PRKG1: variants seen among roughly 807,000 people sequenced by gnomAD.
The protein encoded by PRKG1 is protein kinase cGMP-dependent 1, also known as cGMP-dependent protein kinase 1.
Under a neutral mutation model 88.1 loss-of-function variants are expected in PRKG1, and 35 were observed. The ratio of observed to expected loss-of-function variants is 0.40; its 90% CI spans 0.30 to 0.53. The LOEUF is 0.53. Among genes scored for constraint, PRKG1 ranks in the 20% least tolerant of loss-of-function variants. The pLI is 0.59. For synonymous variants in PRKG1, 303 were observed against 292.5 expected (o/e 1.04, Z -0.37); for missense variants, 540 against 839.8 (o/e 0.64, Z 4.41).
chr10:51,954,876 C>T (rs2133059404), intron 5 of PRKG1, among the ~76,000 whole-genome samples: 1 of 152,278 alleles, frequency 6.6e-6, no homozygotes, highest in East Asian at 1.9e-4. Flanking sequence ...GTAATCACCT[C>T]CCAACCATGT....
intron 3 of PRKG1, among the ~76,000 whole-genome samples, chr10:51,530,335 G>A (rs990112994): frequency 8.5e-5 from 13 of 152,092 alleles, no homozygotes; most frequent in Admixed American, 2.6e-4. Context: ...ATTAAAGGAA[G>A]AAATATCACT....
chr10:51,699,262 C>G, intron 3 of PRKG1: 1 of 1,614,080 alleles, frequency 6.2e-7, no homozygotes, highest in Non-Finnish European at 8.5e-7. Context: ...CCTCCTTATT[C>G]TTTTCACTGG....
intron 5 of PRKG1, among the ~76,000 whole-genome samples, chr10:51,945,347 GTC>G (rs1843001927): frequency 6.6e-6 from 1 of 151,446 alleles, no homozygotes; most frequent in South Asian, 2.1e-4. Flanking sequence ...GCCTATGTGT[GTC>G]TCTGCACGTG....
intron 2 of PRKG1, among the ~76,000 whole-genome samples, chr10:51,397,783 C>G (rs1354044578): frequency 6.6e-6 from 1 of 152,138 alleles, no homozygotes; most frequent in East Asian, 1.9e-4. Context: ...CCTGCCTTTC[C>G]TTGTTTCCCA....
intron 1 of PRKG1, among the ~76,000 whole-genome samples, chr10:51,056,820 C>G (rs1183497295): frequency 6.6e-6 from 1 of 151,962 alleles, no homozygotes; most frequent in South Asian, 2.1e-4. Flanking sequence ...GAACCCCTGA[C>G]CCCATGTCTG....
chr10:51,287,696 T>C (rs1423724402), intron 2 of PRKG1, among the ~76,000 whole-genome samples: 5 of 152,102 alleles, frequency 3.3e-5, no homozygotes, highest in Admixed American at 2.6e-4. Flanking sequence ...TAAGACAAGA[T>C]TTAAATGGGG....
At chr10:52,046,415 G>A (rs1036277479) in intron 5 of PRKG1, among the ~76,000 whole-genome samples, 13 of 151,890 alleles carry the variant, frequency 8.6e-5, no homozygotes, top group Non-Finnish European at 1.5e-4. Flanking sequence ...TGCCTGCCTC[G>A]GAAAAGCTTT....
intron 5 of PRKG1, among the ~76,000 whole-genome samples, chr10:52,049,641 CA>C (rs1333137678): frequency 6.6e-6 from 1 of 151,780 alleles, no homozygotes; most frequent in African/African-American, 2.4e-5. Flanking sequence ...GAAGACATTG[CA>C]AAGGTCCAAG....
At chr10:51,410,934 G>A (rs1014511792) in intron 2 of PRKG1, among the ~76,000 whole-genome samples, 2 of 151,252 alleles carry the variant, frequency 1.3e-5, no homozygotes, top group African/African-American at 2.4e-5. Context: ...TTGGTAAATC[G>A]GATGTACACA....
At chr10:51,221,630 A>AT (rs1838533822) in intron 2 of PRKG1, among the ~76,000 whole-genome samples, 1 of 150,994 alleles carries the variant, frequency 6.6e-6, no homozygotes, top group Non-Finnish European at 1.5e-5. Flanking sequence ...AAAAAAAAAA[A>AT]GATTGGCAAA....
At chr10:52,089,382 C>G (rs1406313908) in intron 7 of PRKG1, among the ~76,000 whole-genome samples, 1 of 152,142 alleles carries the variant, frequency 6.6e-6, no homozygotes, top group Non-Finnish European at 1.5e-5. Context: ...TTCTCAGCAA[C>G]AAATTGATGA....
intron 3 of PRKG1, among the ~76,000 whole-genome samples, chr10:51,538,216 T>C (rs758801234): frequency 2.0e-5 from 3 of 151,970 alleles, no homozygotes; most frequent in Non-Finnish European, 2.9e-5. Flanking sequence ...ATTTCAACAA[T>C]TGAAGACAAA....
At chr10:51,725,100 A>G (rs978163948) in intron 3 of PRKG1, among the ~76,000 whole-genome samples, 18 of 152,260 alleles carry the variant, frequency 1.2e-4, no homozygotes, top group African/African-American at 4.3e-4. Flanking sequence ...ATGAATTACA[A>G]TTGAATCCCC....
chr10:51,446,238 G>A (rs951933692), intron 2 of PRKG1, among the ~76,000 whole-genome samples: 20 of 151,918 alleles, frequency 1.3e-4, no homozygotes, highest in Non-Finnish European at 2.5e-4. Flanking sequence ...ACCACCCAAA[G>A]CTTTTCTTTT....
chr10:51,673,776 G>A (rs1036085189), intron 3 of PRKG1, among the ~76,000 whole-genome samples: 2 of 152,058 alleles, frequency 1.3e-5, no homozygotes, highest in Non-Finnish European at 2.9e-5. Flanking sequence ...TATCATGATC[G>A]AGATTTGAGA....
At chr10:51,661,915 A>G (rs983650401) in intron 3 of PRKG1, among the ~76,000 whole-genome samples, 15 of 152,316 alleles carry the variant, frequency 9.8e-5, no homozygotes, top group Admixed American at 3.9e-4. Flanking sequence ...GGATGAGTTC[A>G]CATCCTTTGT....
chr10:51,196,581 T>C (rs1328207461), intron 2 of PRKG1, among the ~76,000 whole-genome samples: 1 of 152,198 alleles, frequency 6.6e-6, no homozygotes. Context: ...ATAACTGTGA[T>C]ACTTTACCTT....
At chr10:52,052,247 A>C (rs1376387521) in intron 5 of PRKG1, among the ~76,000 whole-genome samples, 1 of 151,946 alleles carries the variant, frequency 6.6e-6, no homozygotes, top group African/African-American at 2.4e-5. Flanking sequence ...TGTGTTATCA[A>C]TGCCTATAAA....
chr10:51,153,227 G>T lies in PRKG1; in HGVS notation c.375G>T (p.Ser125=), dbSNP rs111805858. Residue 125 remains serine, a synonymous_variant, in exon 2 of 18, where the codon TCG becomes TCT. Coordinates refer to ENST00000373980, the MANE Select transcript of PRKG1 (RefSeq NM_006258.4). ...ACTTTATGAAGAACTTGGAGCTGTC[G>T]CAGATCCAGGAGATTGTGGATTGTA... ...DNDFMKNLEL[S]QIQEIVDCMY... is the part of the protein sequence containing the mutation. 2.3e-5 allele frequency: 37 copies of T among 1,612,456 alleles called. No homozygotes were observed. The highest frequency in any genetic ancestry group is 1.7e-4 in the African/African-American group (13 of 74,868).
Sources: allele counts gnomAD v4.1 joint callset (sites outside exome capture counted in the v4.1 genomes callset), GRCh38; gene constraint gnomAD v4.1.1; transcripts MANE v1.5; gene names NCBI Gene and HGNC (gene_info 2026-07-23, HGNC 2026-07-21).